ADAMTS18: variants seen among roughly 807,000 people sequenced by gnomAD.
ADAMTS18 encodes the protein ADAM metallopeptidase with thrombospondin type 1 motif 18, also known as A disintegrin and metalloproteinase with thrombospondin motifs 18.
In ADAMTS18, 157 loss-of-function variants were observed where a neutral mutation model predicts 165.9. The ratio of observed to expected loss-of-function variants is 0.95; its 90% confidence interval spans 0.83 to 1.08. ADAMTS18 has a LOEUF of 1.08. ADAMTS18 is among the 50% of genes least tolerant of loss of function. The pLI, the probability that ADAMTS18 is intolerant of heterozygous loss-of-function variation, is 0.00. For synonymous variants in ADAMTS18, 782 were observed against 578.2 expected, an observed-to-expected ratio of 1.35 and a Z score of -5.06; for missense variants, 2,040 against 1,534.0, an observed-to-expected ratio of 1.33 and a Z score of -5.51.
chr16:77,403,042 T>C (rs900506082), intron 3 of ADAMTS18, among the ~76,000 whole-genome samples: 5 of 152,206 alleles, frequency 3.3e-5, no homozygotes, highest in African/African-American at 1.2e-4. Flanking sequence ...AACCGCTTAT[T>C]ATGTGCCAAG....
intron 3 of ADAMTS18, among the ~76,000 whole-genome samples, chr16:77,403,256 T>G (rs1367121624): frequency 6.6e-6 from 1 of 152,248 alleles, no homozygotes; most frequent in African/African-American, 2.4e-5. Context: ...AGAATTTTTT[T>G]ATCCTTAGGC....
chr16:77,406,049 C>G (rs2144818545), intron 3 of ADAMTS18, among the ~76,000 whole-genome samples: 1 of 152,188 alleles, frequency 6.6e-6, no homozygotes, highest in East Asian at 1.9e-4. Flanking sequence ...CTTTGATACC[C>G]AAACCTGACA....
At chr16:77,337,162 G>C (rs2056323074) in intron 11 of ADAMTS18, among the ~76,000 whole-genome samples, 1 of 152,130 alleles carries the variant, frequency 6.6e-6, no homozygotes, top group African/African-American at 2.4e-5. Flanking sequence ...CCATTTCAGA[G>C]TTTGCATGAA....
At chr16:77,305,258 C>T (rs2055661400) in intron 16 of ADAMTS18, among the ~76,000 whole-genome samples, 1 of 152,080 alleles carries the variant, frequency 6.6e-6, no homozygotes. Context: ...ATCCTCTTAT[C>T]TCTTACTGTT....
intron 10 of ADAMTS18, among the ~76,000 whole-genome samples, chr16:77,353,260 A>C (rs888280308): frequency 1.1e-4 from 17 of 152,190 alleles, no homozygotes; most frequent in Non-Finnish European, 1.6e-4. Flanking sequence ...AAGATGACAC[A>C]AAAATCTTAT....
At chr16:77,352,398 T>C (rs2056569095) in intron 10 of ADAMTS18, among the ~76,000 whole-genome samples, 1 of 152,128 alleles carries the variant, frequency 6.6e-6, no homozygotes, top group Non-Finnish European at 1.5e-5. Context: ...GAAGAGGAAA[T>C]TTCACATCAA....
At chr16:77,285,702 T>A (rs969527585) in intron 22 of ADAMTS18, among the ~76,000 whole-genome samples, 1 of 152,198 alleles carries the variant, frequency 6.6e-6, no homozygotes, top group African/African-American at 2.4e-5. Context: ...GCTGGTTGTT[T>A]GAGCTTCTAC....
At chr16:77,338,440 T>C (rs1239680510) in intron 11 of ADAMTS18, among the ~76,000 whole-genome samples, 7 of 151,832 alleles carry the variant, frequency 4.6e-5, no homozygotes, top group Non-Finnish European at 1.0e-4. Flanking sequence ...TTTCACCATG[T>C]TGACCAGTGT....
chr16:77,411,393 G>A lies in ADAMTS18; in HGVS notation c.495+19902C>T, dbSNP rs550410462. Among the ~76,000 whole-genome samples the A allele has an allele frequency of 2.0e-5, 3 of 152,274 alleles. No individual in the cohort carries two copies. The South Asian group carries it at 6.2e-4, about 32-fold the overall frequency. ...CCATATTGCTTTCTGGATACTCTCTGGTTGGACCTGCTTGGCGCTTGAGAC... is the reference window on the plus strand; with the variant it reads ...CCATATTGCTTTCTGGATACTCTCTAGTTGGACCTGCTTGGCGCTTGAGAC... On this transcript the variant is annotated intron_variant, in intron 3 of 22. Transcript: ENST00000282849.
intron 3 of ADAMTS18, among the ~76,000 whole-genome samples, chr16:77,423,592 T>G (rs2057632148): frequency 6.6e-6 from 1 of 151,782 alleles, no homozygotes; most frequent in South Asian, 2.1e-4. Context: ...GGATAAAGAG[T>G]TTTCCCTGTG....
Position 77,359,391 on chromosome 16 carries a change from AC to A in ADAMTS18, c.1248del (p.Lys416AsnfsTer29). Reference sequence around the variant, plus strand: ...TCCTCATTGATGGTACAACTTCGGTACTTAGAGCACATTCCACTGATGGGGG... The same window carrying A: ...TCCTCATTGATGGTACAACTTCGGTATTAGAGCACATTCCACTGATGGGGG... The part of the protein sequence containing the change: ...GFAPISGMCS[K>X]YRSCTINEDT... On this transcript the variant is annotated frameshift_variant, in exon 8 of 23. Transcript: ENST00000282849. LOFTEE classifies it high-confidence loss of function. 1 of 1,614,068 alleles carries A rather than the reference AC, an allele frequency of 6.2e-7. No individual in the cohort carries two copies. The highest frequency in any genetic ancestry group is 1.1e-5 in the South Asian group (1 of 91,000).
rs2055161373 is a variant in ADAMTS18, at chr16:77,282,318, A to G, written c.*1638T>C. The G allele has an allele frequency of 6.6e-6, 1 of 152,088 alleles. No homozygotes were observed. The highest frequency in any genetic ancestry group is 2.1e-4 in the South Asian group (1 of 4,826). The allele number at this position is 152,088 out of a possible 1,614,324, so 9.4% of individuals were successfully genotyped here. ...AATTAATTTTCCATAAAATAATAAA[A>G]TGATAATTATATAAAGAAATAACTT... On this transcript the variant is annotated 3_prime_UTR_variant, in exon 23 of 23. Coordinates refer to ENST00000282849, the MANE Select transcript of ADAMTS18 (RefSeq NM_199355.4).
chr16:77,395,956 G>A (rs1229298080), intron 3 of ADAMTS18, among the ~76,000 whole-genome samples: 1 of 152,164 alleles, frequency 6.6e-6, no homozygotes, highest in African/African-American at 2.4e-5. Context: ...ACCACTATGA[G>A]TCAGGCAGGG....
intron 3 of ADAMTS18, among the ~76,000 whole-genome samples, chr16:77,400,793 G>A (rs1010138657): frequency 1.3e-5 from 2 of 151,594 alleles, no homozygotes; most frequent in Non-Finnish European, 2.9e-5. Context: ...AAGAGATTAT[G>A]GCAGAATTTA....
chr16:77,322,305 C>T, intron 14 of ADAMTS18, 31 bp downstream of exon 14: 1 of 1,612,670 alleles, frequency 6.2e-7, no homozygotes. Context: ...CAAGCATGCT[C>T]ATACACTCCA....
intron 22 of ADAMTS18, among the ~76,000 whole-genome samples, chr16:77,286,849 T>A (rs894494667): frequency 6.6e-6 from 1 of 152,210 alleles, no homozygotes; most frequent in Non-Finnish European, 1.5e-5. Context: ...CTTTAGGGCC[T>A]TCTCTCTTTT....
At chr16:77,353,967 T>A (rs2056593225) in intron 9 of ADAMTS18, 81 bp from the exon 10 acceptor site, 3 of 1,529,500 alleles carry the variant, frequency 2.0e-6, no homozygotes, top group Admixed American at 1.7e-5. Context: ...CTGAATGCAT[T>A]CATGCAAAGA....
chr16:77,314,527 G>C (rs1420395554), intron 16 of ADAMTS18, among the ~76,000 whole-genome samples: 1 of 150,134 alleles, frequency 6.7e-6, no homozygotes, highest in Non-Finnish European at 1.5e-5. Flanking sequence ...CAGAAGAATC[G>C]CTTGGACCCA....
chr16:77,359,737 T>C (rs936582750), intron 7 of ADAMTS18, among the ~76,000 whole-genome samples: 4 of 152,186 alleles, frequency 2.6e-5, no homozygotes, highest in Admixed American at 2.0e-4. Flanking sequence ...AGAATATTTA[T>C]ATGCCTTGTC....
Sources: gnomAD v4.1 joint callset for allele counts (sites outside exome capture counted in the v4.1 genomes callset) on GRCh38, gnomAD v4.1.1 for gene constraint, MANE v1.5 for transcripts, NCBI Gene and HGNC (gene_info 2026-07-23, HGNC 2026-07-21) for gene names.